The following CPNE1 variants were observed in gnomAD, a reference collection of about 807,000 sequenced individuals.
CPNE1 encodes the protein copine-1.
CPNE1 carries 58 observed loss-of-function variants against 63.2 expected under a neutral mutation model. The observed-to-expected ratio is 0.92, with a 90% CI of 0.74 to 1.14. CPNE1 has a LOEUF of 1.14. Ranked by LOEUF, CPNE1 falls within the 50% of genes most tolerant of loss-of-function variation. The pLI is 0.00. For missense variants in CPNE1, 672 were observed against 661.7 expected (o/e 1.02, Z -0.17); for synonymous variants, 237 against 249.0 (o/e 0.95, Z 0.45).
At chr20:35,654,919 G>GT in intron 1 of CPNE1, 1 of 1,614,172 alleles carries the variant, frequency 6.2e-7, no homozygotes. Context: ...AGTGGTGGCA[G>GT]TAACTACACT....
In CPNE1 at chr20:35,632,681, G is replaced by A. The variant is rs201132363; in HGVS notation, c.145C>T (p.Arg49Trp). ...TCAGGGCTTGAGCAGTTCCGCACCC[G>A]TTCAGTCCGGCCAAGCTGTGGGCAG... Reference protein sequence around the residue: ...GSWAELGRTERVRNCSSPEFS... With the variant: ...GSWAELGRTEWVRNCSSPEFS... Residue 49 changes from arginine to tryptophan, a missense_variant, in exon 3 of 16, where the codon CGG becomes TGG. Coordinates refer to ENST00000397443, the MANE Select transcript of CPNE1 (RefSeq NM_152925.3). 169 of 1,074,608 alleles carry A rather than the reference G, an allele frequency of 1.6e-4. No individual in the cohort carries two copies. Among genetic ancestry groups the A allele is most frequent in the Middle Eastern group, 4.0e-4 (2 of 4,992 alleles). The allele number at this position is 1,074,608 out of a possible 1,614,324, so 66.6% of individuals were successfully genotyped here.
intron 1 of CPNE1, among the ~76,000 whole-genome samples, chr20:35,659,861 T>C (rs1324121991): frequency 2.6e-5 from 4 of 152,176 alleles, no homozygotes. Flanking sequence ...TTTATTTTTT[T>C]TCAAAGGTCA....
At chr20:35,631,893 C>T in intron 6 of CPNE1, 52 bp downstream of exon 6, 2 of 1,570,846 alleles carry the variant, frequency 1.3e-6, no homozygotes, top group Non-Finnish European at 8.8e-7. Context: ...TAGTCACAGG[C>T]CCCAGGAGAT....
intron 1 of CPNE1, among the ~76,000 whole-genome samples, chr20:35,660,276 C>T (rs887064916): frequency 6.6e-6 from 1 of 152,082 alleles, no homozygotes; most frequent in South Asian, 2.1e-4. Flanking sequence ...GATCTAGGCT[C>T]ATTAGGCTCA....
At position 35,662,596 on chromosome 20, in the gene CPNE1, CT is replaced by C. The variant is rs1285292911; in HGVS notation, c.-1+2163del. Among the ~76,000 whole-genome samples, 9 of 152,336 alleles carry C rather than the reference CT, an allele frequency of 5.9e-5. No individual in the cohort carries two copies. The East Asian group carries it at 1.5e-3, about 26-fold the overall frequency. On this transcript the variant is annotated intron_variant, in intron 1 of 15. Coordinates refer to ENST00000397443, the MANE Select transcript of CPNE1 (RefSeq NM_152925.3). ...AAAGCATCTTTTGTGCAACCAACTACTGACACTTGGTTCTTCCTACAACATC... is the reference window on the plus strand; with the variant it reads ...AAAGCATCTTTTGTGCAACCAACTACGACACTTGGTTCTTCCTACAACATC...
intron 1 of CPNE1, among the ~76,000 whole-genome samples, chr20:35,635,982 AC>A (rs2146296699): frequency 6.6e-6 from 1 of 152,264 alleles, no homozygotes; most frequent in South Asian, 2.1e-4. Flanking sequence ...TACAAATCCT[AC>A]CCAAACTGAC....
rs567263111 is a variant in CPNE1, at chr20:35,655,737, GAAGT to G, written c.-1+9019_-1+9022del. Among the ~76,000 whole-genome samples, 527 of 152,164 alleles carry G rather than the reference GAAGT, an allele frequency of 3.5e-3. 2 individuals carry two copies. The highest frequency in any genetic ancestry group is 3.1e-3 in the Non-Finnish European group (214 of 67,978). On this transcript the variant is annotated intron_variant, in intron 1 of 15. Coordinates refer to ENST00000397443, the MANE Select transcript of CPNE1 (RefSeq NM_152925.3). ...GGAAAAAACATGCAAAGAATATATA[GAAGT>G]TAGTATTTAAAACTGGCTTAGCATC... is the stretch of plus-strand genomic sequence containing the variant.
Position 35,631,007 on chromosome 20 carries a change from C to T in CPNE1, c.889G>A (p.Gly297Arg). 1 of 1,613,808 alleles carries T rather than the reference C, an allele frequency of 6.2e-7. No individual in the cohort carries two copies. The highest frequency in any genetic ancestry group is 8.5e-7 in the Non-Finnish European group (1 of 1,179,954). The part of the protein sequence containing the change: ...TVGVDFTGSN[G>R]DPSSPDSLHY... The stretch of plus-strand genomic sequence containing the variant: ...AGGGAGTCAGGTGAGGAGGGGTCTC[C>T]ATTGGAGCCAGTGAAGTCCACGCCC... Residue 297 changes from glycine (G) to arginine (R), a missense_variant, in exon 11 of 16, where the codon GGA becomes AGA. Physicochemically the swap from Gly to Arg is moderately radical, Grantham distance 125. Transcript: ENST00000397443.
At chr20:35,627,703 T>C (rs1451295261) in intron 13 of CPNE1, among the ~76,000 whole-genome samples, 1 of 152,090 alleles carries the variant, frequency 6.6e-6, no homozygotes, top group African/African-American at 2.4e-5. Context: ...TTAATAATGA[T>C]CCATTTGATA....
intron 1 of CPNE1, among the ~76,000 whole-genome samples, chr20:35,647,784 G>A (rs1245589579): frequency 6.6e-6 from 1 of 151,940 alleles, no homozygotes; most frequent in Non-Finnish European, 1.5e-5. Flanking sequence ...GCTGGGCACG[G>A]TGGCTCACGC....
At chr20:35,663,702 C>A (rs557676979) in intron 1 of CPNE1, among the ~76,000 whole-genome samples, 1 of 152,280 alleles carries the variant, frequency 6.6e-6, no homozygotes, top group South Asian at 2.1e-4. Context: ...CTCACAAGAG[C>A]CCCTCAGATT....
intron 1 of CPNE1, among the ~76,000 whole-genome samples, chr20:35,663,029 A>G (rs529151193): frequency 2.0e-5 from 3 of 152,358 alleles, no homozygotes; most frequent in East Asian, 3.9e-4. Flanking sequence ...TCTGTCCAAT[A>G]ATATATACTA....
intron 1 of CPNE1, chr20:35,652,571 T>C: frequency 1.2e-6 from 2 of 1,614,150 alleles, no homozygotes; most frequent in East Asian, 4.5e-5. Context: ...GGCCTGTCAT[T>C]TAAGTCAATG....
intron 13 of CPNE1, among the ~76,000 whole-genome samples, chr20:35,628,440 T>C (rs1176933699): frequency 2.0e-5 from 3 of 152,168 alleles, no homozygotes; most frequent in Admixed American, 2.0e-4. Context: ...CTGGTAGATC[T>C]TACCTTAACT....
At chr20:35,658,789 A>G in intron 1 of CPNE1, 1 of 561,280 alleles carries the variant, frequency 1.8e-6, no homozygotes, top group Non-Finnish European at 3.2e-6. Flanking sequence ...AAAACAAAAA[A>G]CAAGCAAACA....
At chr20:35,654,892 T>C (rs1384670955) in intron 1 of CPNE1, 1 of 1,614,020 alleles carries the variant, frequency 6.2e-7, no homozygotes, top group African/African-American at 1.3e-5. Flanking sequence ...TATGTTTTTG[T>C]TGCTTTCATG....
At chr20:35,657,776 C>T (rs965656706) in intron 1 of CPNE1, among the ~76,000 whole-genome samples, 2 of 152,056 alleles carry the variant, frequency 1.3e-5, no homozygotes, top group Non-Finnish European at 2.9e-5. Context: ...AAATAATATC[C>T]GCAGCCAGGT....
intron 1 of CPNE1, chr20:35,650,359 A>C (rs1170229818): frequency 6.6e-6 from 1 of 152,408 alleles, no homozygotes; most frequent in Non-Finnish European, 1.5e-5. Flanking sequence ...AGAATGTACG[A>C]ACATATAACC....
At chr20:35,630,817 G>C (rs2032073627) in intron 11 of CPNE1, 22 bp from the exon 12 acceptor site, 1 of 1,610,800 alleles carries the variant, frequency 6.2e-7, no homozygotes, top group Admixed American at 1.7e-5. Flanking sequence ...CAGTGTATTG[G>C]GCAAAAGGCA....
Sources: allele counts gnomAD v4.1 joint callset (sites outside exome capture counted in the v4.1 genomes callset), GRCh38; gene constraint gnomAD v4.1.1; transcripts MANE v1.5; gene names NCBI Gene and HGNC (gene_info 2026-07-23, HGNC 2026-07-21).